The following PPP1R12B variants were observed in gnomAD, a reference collection of about 807,000 sequenced individuals.
PPP1R12B encodes protein phosphatase 1 regulatory subunit 12B, also known as myosin phosphatase target subunit 2.
PPP1R12B carries 76 observed loss-of-function variants against 126.1 expected under a neutral mutation model. The ratio of observed to expected loss-of-function variants is 0.60; its 90% CI spans 0.50 to 0.73. The LOEUF (loss-of-function observed/expected upper bound fraction) is 0.73. Ranked by LOEUF, PPP1R12B falls within the 30% of genes least tolerant of loss-of-function variation. PPP1R12B has a pLI of 0.00. For missense variants in PPP1R12B, 1,052 were observed against 1,205.1 expected (o/e 0.87, Z 1.88); for synonymous variants, 356 against 434.7 (o/e 0.82, Z 2.25).
At chr1:202,528,694 A>G (rs1411981054) in intron 18 of PPP1R12B, among the ~76,000 whole-genome samples, 1 of 150,970 alleles carries the variant, frequency 6.6e-6, no homozygotes, top group East Asian at 1.9e-4. Context: ...AAGAAACTTT[A>G]TTTCTGAGTT....
intron 13 of PPP1R12B, among the ~76,000 whole-genome samples, chr1:202,466,718 C>G (rs1194870575): frequency 3.9e-5 from 6 of 152,200 alleles, no homozygotes; most frequent in East Asian, 3.9e-4. Flanking sequence ...TTCTTATTTC[C>G]TTTATTTATC....
chr1:202,581,170 A>G lies in PPP1R12B; in HGVS notation c.*610A>G, dbSNP rs1689529497. ...TCAACACCCAGTAATCTCCCTAACT[A>G]GTTTTAACCCTTATTCCTCCCTCAT... On this transcript the variant is annotated 3_prime_UTR_variant, in exon 24 of 24. Coordinates refer to ENST00000608999, the MANE Select transcript of PPP1R12B (RefSeq NM_002481.4). 1 of 153,022 alleles carries G rather than the reference A, an allele frequency of 6.5e-6. No homozygotes were observed. Among genetic ancestry groups the G allele is most frequent in the Non-Finnish European group, 1.5e-5 (1 of 68,362 alleles). 9.5% of individuals were successfully genotyped at this position (153,022 alleles called of 1,614,324 possible). A position where few individuals can be genotyped will look rare whatever the true frequency, so the allele number is the denominator to read the frequency against.
At chr1:202,530,194 G>A (rs1572404479) in intron 18 of PPP1R12B, among the ~76,000 whole-genome samples, 2 of 151,834 alleles carry the variant, frequency 1.3e-5, no homozygotes, top group South Asian at 4.2e-4. Context: ...TCTTCACTAT[G>A]TGGGTCTGTT....
intron 22 of PPP1R12B, among the ~76,000 whole-genome samples, chr1:202,568,079 T>G (rs1688225041): frequency 6.6e-6 from 1 of 152,098 alleles, no homozygotes; most frequent in Non-Finnish European, 1.5e-5. Flanking sequence ...GAAGGGTCCT[T>G]GGAAGGTCAT....
chr1:202,383,160 A>G (rs1662615428), intron 1 of PPP1R12B, among the ~76,000 whole-genome samples: 1 of 152,230 alleles, frequency 6.6e-6, no homozygotes, highest in African/African-American at 2.4e-5. Flanking sequence ...GAATTTTGAT[A>G]TGAGGAAGCC....
intron 13 of PPP1R12B, among the ~76,000 whole-genome samples, chr1:202,452,777 T>G (rs182367247): frequency 6.6e-6 from 1 of 152,292 alleles, no homozygotes; most frequent in East Asian, 1.9e-4. Flanking sequence ...ATTATCTATC[T>G]GCAAACTTCT....
chr1:202,518,738 AT>A (rs1257313608), intron 18 of PPP1R12B, among the ~76,000 whole-genome samples: 1 of 151,926 alleles, frequency 6.6e-6, no homozygotes, highest in Non-Finnish European at 1.5e-5. Flanking sequence ...TATTTGTGTA[AT>A]TTTTCCCCCC....
intron 1 of PPP1R12B, among the ~76,000 whole-genome samples, chr1:202,366,675 C>A (rs924581568): frequency 3.3e-5 from 5 of 151,818 alleles, no homozygotes; most frequent in African/African-American, 1.2e-4. Context: ...TTTAGGAACA[C>A]CTAATAATAC....
At chr1:202,439,327 T>C in intron 10 of PPP1R12B, 1 of 1,418,388 alleles carries the variant, frequency 7.1e-7, no homozygotes, top group Non-Finnish European at 9.9e-7. Context: ...AGGGCAGCCC[T>C]GAAGCTGGAA....
chr1:202,509,030 C>T (rs1681129690), intron 18 of PPP1R12B, among the ~76,000 whole-genome samples: 1 of 152,372 alleles, frequency 6.6e-6, no homozygotes, highest in African/African-American at 2.4e-5. Context: ...TCCAATAAAA[C>T]TTTATTTACA....
rs758970519 is a variant in PPP1R12B at position 202,580,528 on chromosome 1, C to T, written c.2917C>T (p.Leu973Phe). Residue 973 changes from leucine (L) to phenylalanine (F), a missense_variant, in exon 24 of 24, where the codon CTC becomes TTC. Physicochemically the swap from Leu to Phe is conservative, Grantham distance 22 (BLOSUM62 0). Transcript: ENST00000608999. ...NQRLKDENGA[L>F]IRVISKLSK ...GAGGCTGAAAGATGAAAATGGTGCC[C>T]TCATCAGAGTCATCAGCAAACTGTC... 6.2e-7 allele frequency: 1 copy of T among 1,613,988 alleles called. No individual in the cohort carries two copies. The highest frequency in any genetic ancestry group is 8.5e-7 in the Non-Finnish European group (1 of 1,179,874).
intron 20 of PPP1R12B, among the ~76,000 whole-genome samples, chr1:202,564,017 G>A (rs1687805617): frequency 6.6e-6 from 1 of 152,170 alleles, no homozygotes; most frequent in Non-Finnish European, 1.5e-5. Flanking sequence ...GGGTGATCAT[G>A]CTACTACACT....
At chr1:202,408,244 A>C (rs1171165447) in intron 1 of PPP1R12B, among the ~76,000 whole-genome samples, 1 of 152,184 alleles carries the variant, frequency 6.6e-6, no homozygotes, top group Non-Finnish European at 1.5e-5. Context: ...CTCATCAATT[A>C]GTATTTCTAT....
At chr1:202,478,587 G>GTA (rs1451312740) in intron 13 of PPP1R12B, among the ~76,000 whole-genome samples, 29 of 152,034 alleles carry the variant, frequency 1.9e-4, no homozygotes, top group African/African-American at 7.0e-4. Context: ...GATATTCATA[G>GTA]TATATAGTTT....
intron 1 of PPP1R12B, among the ~76,000 whole-genome samples, chr1:202,407,919 T>G (rs564765987): frequency 1.3e-5 from 2 of 152,180 alleles, no homozygotes; most frequent in East Asian, 3.9e-4. Flanking sequence ...AATTTAATAT[T>G]AATAAAAATA....
intron 13 of PPP1R12B, among the ~76,000 whole-genome samples, chr1:202,478,050 G>T (rs1676897687): frequency 6.6e-6 from 1 of 152,152 alleles, no homozygotes; most frequent in Non-Finnish European, 1.5e-5. Flanking sequence ...TGTCTTCTTT[G>T]CATAGCAATG....
intron 18 of PPP1R12B, chr1:202,502,172 A>G: frequency 1.0e-6 from 1 of 984,440 alleles, no homozygotes; most frequent in Non-Finnish European, 1.2e-6. Context: ...TGCAATCAGT[A>G]GGTCTGGATT....
At position 202,431,510 on chromosome 1, in the gene PPP1R12B, A is replaced by G. The variant is rs965124748; in HGVS notation, c.1032A>G (p.Thr344=). 6.2e-7 allele frequency: 1 copy of G among 1,611,914 alleles called. No individual in the cohort carries two copies. Among genetic ancestry groups the G allele is most frequent in the Non-Finnish European group, 8.5e-7 (1 of 1,179,200 alleles). Residue 344 remains threonine (T), a synonymous_variant, in exon 8 of 24, where the codon ACA becomes ACG. Transcript: ENST00000608999. ...AGAAGATGCTCTATGAGGAGGAGAC[A>G]CCTAAGTCCCAAGAAATGGAGGAAG... The part of the protein sequence containing the change: ...NKEKMLYEEE[T]PKSQEMEEEN...
intron 10 of PPP1R12B, 47 bp downstream of exon 10, chr1:202,438,071 T>G: frequency 6.2e-7 from 1 of 1,600,806 alleles, no homozygotes; most frequent in Non-Finnish European, 8.5e-7. Context: ...GTTTTTTTTT[T>G]CCATGAAAAT....
Sources: gnomAD v4.1 joint callset for allele counts (sites outside exome capture counted in the v4.1 genomes callset) on GRCh38, gnomAD v4.1.1 for gene constraint, MANE v1.5 for transcripts, NCBI Gene and HGNC (gene_info 2026-07-23, HGNC 2026-07-21) for gene names.